Variants in NALCN observed in about 807,000 individuals in gnomAD.
The protein encoded by NALCN is sodium leak channel, non-selective, also known as sodium leak channel NALCN.
In NALCN, 111 loss-of-function variants were observed where a neutral mutation model predicts 225.3. That is an observed-to-expected ratio of 0.49 (90% confidence interval 0.42 to 0.58). The LOEUF (loss-of-function observed/expected upper bound fraction) is 0.58, where lower values mean the gene tolerates loss of function less well. NALCN is among the 20% of genes least tolerant of loss of function. The pLI, the probability that NALCN is intolerant of heterozygous loss-of-function variation, is 0.00. For synonymous variants in NALCN, 764 were observed against 769.0 expected, an observed-to-expected ratio of 0.99 and a Z score of 0.11; for missense variants, 1,378 against 2,202.4, an observed-to-expected ratio of 0.63 and a Z score of 7.49.
intron 40 of NALCN, among the ~76,000 whole-genome samples, chr13:101,065,033 G>A (rs111527649): frequency 6.6e-6 from 1 of 152,188 alleles, no homozygotes. Context: ...CTTTGCCAGA[G>A]CCCTGTAACC....
At chr13:101,177,107 G>C (rs1190653196) in intron 14 of NALCN, among the ~76,000 whole-genome samples, 1 of 152,170 alleles carries the variant, frequency 6.6e-6, no homozygotes, top group Non-Finnish European at 1.5e-5. Context: ...GTGAGGAACT[G>C]AGGCCTCCTG....
rs752215175 is a variant in NALCN, at chr13:101,283,950, C to T, written c.1117G>A (p.Ala373Thr). 6 of 1,612,984 alleles carry T rather than the reference C, an allele frequency of 3.7e-6. No individual in the cohort carries two copies. The highest frequency in any genetic ancestry group is 5.1e-6 in the Non-Finnish European group (6 of 1,179,680). Residue 373 changes from alanine to threonine, a missense_variant, in exon 10 of 44, where the codon GCC (alanine) becomes ACC (threonine). By Grantham distance (58) the Ala-to-Thr change is moderately conservative (BLOSUM62 0). Transcript: ENST00000251127. The stretch of plus-strand genomic sequence containing the variant: ...TACTGCACCTGGAGGCAGGCTGGGG[C>T]GCGTCCCTGGGGCTTGTTGACATCC... ...AVDVNKPQGR[A>T]PACLQKMMRS...
At chr13:101,106,500 T>C (rs371603553) in intron 22 of NALCN, among the ~76,000 whole-genome samples, 3 of 152,170 alleles carry the variant, frequency 2.0e-5, no homozygotes, top group Non-Finnish European at 4.4e-5. Context: ...GTCTTCAGAA[T>C]ATTTACTTAA....
chr13:101,217,641 T>A (rs1310179904), intron 13 of NALCN, among the ~76,000 whole-genome samples: 1 of 152,138 alleles, frequency 6.6e-6, no homozygotes, highest in African/African-American at 2.4e-5. Flanking sequence ...CTTGGAGGTG[T>A]AAGGAATGCA....
intron 13 of NALCN, among the ~76,000 whole-genome samples, chr13:101,205,217 C>A (rs2040265879): frequency 6.6e-6 from 1 of 152,010 alleles, no homozygotes; most frequent in Non-Finnish European, 1.5e-5. Context: ...TTCCAGCACA[C>A]CTATATTGCA....
rs377263221 is a variant in NALCN, at chr13:101,295,044, G to A, written c.800-2678C>T. On this transcript the variant is annotated intron_variant, in intron 7 of 43. Coordinates refer to ENST00000251127, the MANE Select transcript of NALCN (RefSeq NM_052867.4). The stretch of plus-strand genomic sequence containing the variant: ...CCCTGGCAAGATAAGGGCATTTATA[G>A]CCCTATCTTATCCATATGAACAGGC... Among the ~76,000 whole-genome samples, 33 of 152,200 alleles carry A rather than the reference G, an allele frequency of 2.2e-4. 1 individual carries two copies. In the South Asian group the frequency reaches 6.0e-3, roughly 28 times the overall value.
At chr13:101,368,307 T>C (rs1197096781) in intron 6 of NALCN, among the ~76,000 whole-genome samples, 1 of 152,024 alleles carries the variant, frequency 6.6e-6, no homozygotes, top group East Asian at 1.9e-4. Flanking sequence ...TCCAATTTCA[T>C]CCACGTCCCT....
intron 13 of NALCN, among the ~76,000 whole-genome samples, chr13:101,192,750 G>A (rs916521462): frequency 6.6e-6 from 1 of 152,142 alleles, no homozygotes; most frequent in African/African-American, 2.4e-5. Context: ...CACACTTTCT[G>A]CCAATATCTT....
intron 15 of NALCN, among the ~76,000 whole-genome samples, chr13:101,160,012 C>T (rs575771984): frequency 1.8e-4 from 28 of 151,968 alleles, no homozygotes; most frequent in South Asian, 4.2e-4. Context: ...TGAAGTGCAG[C>T]GGTGCGATCT....
intron 13 of NALCN, among the ~76,000 whole-genome samples, chr13:101,208,989 C>T (rs183809441): frequency 5.3e-5 from 8 of 152,294 alleles, no homozygotes; most frequent in Middle Eastern, 3.4e-3. Flanking sequence ...CATCTGTCTG[C>T]GAACCCTAAG....
At chr13:101,148,863 T>C (rs999307644) in intron 15 of NALCN, among the ~76,000 whole-genome samples, 1 of 152,210 alleles carries the variant, frequency 6.6e-6, no homozygotes, top group East Asian at 1.9e-4. Flanking sequence ...TATTGATTGA[T>C]TGAATAAATT....
intron 12 of NALCN, among the ~76,000 whole-genome samples, chr13:101,232,066 G>A (rs1203010535): frequency 6.6e-6 from 1 of 150,570 alleles, no homozygotes; most frequent in Admixed American, 6.6e-5. Context: ...CAGAGCTCCT[G>A]GGAGCCATCT....
chr13:101,318,208 C>G (rs1366138249), intron 7 of NALCN, among the ~76,000 whole-genome samples: 1 of 152,172 alleles, frequency 6.6e-6, no homozygotes, highest in Non-Finnish European at 1.5e-5. Context: ...CAGCATTTGA[C>G]TTTCACTACC....
At chr13:101,160,783 A>T (rs1446760349) in intron 15 of NALCN, among the ~76,000 whole-genome samples, 1 of 152,184 alleles carries the variant, frequency 6.6e-6, no homozygotes, top group Non-Finnish European at 1.5e-5. Flanking sequence ...ACTTTCTATA[A>T]GACTGGCCAG....
At chr13:101,392,685 G>A (rs535345722) in intron 3 of NALCN, among the ~76,000 whole-genome samples, 19 of 152,224 alleles carry the variant, frequency 1.2e-4, no homozygotes, top group Middle Eastern at 3.5e-3. Context: ...GTAAGTAAAA[G>A]CAACTAGGGC....
chr13:101,102,058 G>A (rs570049747), intron 26 of NALCN, among the ~76,000 whole-genome samples: 2 of 151,964 alleles, frequency 1.3e-5, no homozygotes, highest in South Asian at 2.1e-4. Flanking sequence ...TGAGGTGGGT[G>A]GATCTCCTGA....
At chr13:101,279,856 T>TAAAGAAAG (rs386380472) in intron 10 of NALCN, among the ~76,000 whole-genome samples, 5 of 148,510 alleles carry the variant, frequency 3.4e-5, no homozygotes, top group East Asian at 2.0e-4. Context: ...AATAAATAAA[T>TAAAGAAAG]AAATAAATAA....
At chr13:101,245,886 T>C (rs2041881007) in intron 11 of NALCN, among the ~76,000 whole-genome samples, 5 of 152,166 alleles carry the variant, frequency 3.3e-5, no homozygotes, top group Admixed American at 6.5e-5. Context: ...CCTAGGAATG[T>C]AACTTCGTAA....
At chr13:101,212,808 T>C (rs2040575641) in intron 13 of NALCN, among the ~76,000 whole-genome samples, 1 of 152,100 alleles carries the variant, frequency 6.6e-6, no homozygotes, top group Admixed American at 6.6e-5. Flanking sequence ...TTAAAAAGTC[T>C]ATCCATCTGA....
Sources: gnomAD v4.1 joint callset for allele counts (sites outside exome capture counted in the v4.1 genomes callset) on GRCh38, gnomAD v4.1.1 for gene constraint, MANE v1.5 for transcripts, NCBI Gene and HGNC (gene_info 2026-07-23, HGNC 2026-07-21) for gene names.